Variants in PARP11 observed in about 807,000 individuals in gnomAD.
PARP11 encodes the protein protein mono-ADP-ribosyltransferase PARP11.
PARP11 carries 31 observed loss-of-function variants against 42.9 expected under a neutral mutation model. That is an observed-to-expected ratio of 0.72 (90% CI 0.54 to 0.98). The LOEUF is 0.98. PARP11 is among the 50% of genes least tolerant of loss of function. PARP11 has a pLI of 0.00. For synonymous variants in PARP11, 137 were observed against 127.3 expected (o/e 1.08, Z -0.51); for missense variants, 365 against 413.1 (o/e 0.88, Z 1.01).
At chr12:3,835,244 A>G (rs1293413937) in intron 1 of PARP11, among the ~76,000 whole-genome samples, 1 of 152,248 alleles carries the variant, frequency 6.6e-6, no homozygotes, top group Non-Finnish European at 1.5e-5. Flanking sequence ...TGACCAGTAC[A>G]TAGTCTATGC....
chr12:3,840,720 A>G lies in PARP11; in HGVS notation c.19-10702T>C, dbSNP rs991950128. 7.0e-6 allele frequency: 9 copies of G among 1,280,406 alleles called. No individual in the cohort carries two copies. Among genetic ancestry groups the G allele is most frequent in the African/African-American group, 1.5e-5 (1 of 68,410 alleles). 79.3% of individuals were successfully genotyped at this position (1,280,406 alleles called of 1,614,324 possible). On this transcript the variant is annotated intron_variant, in intron 1 of 7. Transcript: ENST00000228820. The surrounding 1 kb of genome is among the most constrained non-coding windows in gnomAD (Gnocchi z 4.4). ...ATGGATACAGAAGAACGAAAAGACA[A>G]AGACTCTATTCATGGACATAGTTGG... is the stretch of plus-strand genomic sequence containing the variant.
chr12:3,850,671 T>C (rs927970713), intron 1 of PARP11, among the ~76,000 whole-genome samples: 9 of 152,194 alleles, frequency 5.9e-5, no homozygotes. Context: ...TGCTCTGCAG[T>C]ATAAAGATAC....
chr12:3,851,864 C>T (rs185442711), intron 1 of PARP11, among the ~76,000 whole-genome samples: 5 of 152,292 alleles, frequency 3.3e-5, no homozygotes, highest in Admixed American at 1.3e-4. Flanking sequence ...CAGTAGGGGC[C>T]GACTGACACC....
chr12:3,857,422 T>C (rs561732471), intron 1 of PARP11, among the ~76,000 whole-genome samples: 69 of 152,308 alleles, frequency 4.5e-4, no homozygotes, highest in African/African-American at 1.1e-3. Flanking sequence ...AAGTCTATAA[T>C]GCCAATGAAA....
rs894732877 is a variant in PARP11, at chr12:3,820,206, C to T, written c.548+1667G>A. Among the ~76,000 whole-genome samples, 41 of 152,170 alleles carry T rather than the reference C, an allele frequency of 2.7e-4. 1 individual carries two copies. The highest frequency in any genetic ancestry group is 2.9e-5 in the Non-Finnish European group (2 of 68,032). Reference sequence around the variant, plus strand: ...GCTTGTCATAAAGTAGGTACTAAGACATTTTTGTTAGAAGAAGTGGGGAAA... The same window carrying T: ...GCTTGTCATAAAGTAGGTACTAAGATATTTTTGTTAGAAGAAGTGGGGAAA... On this transcript the variant is annotated intron_variant, in intron 6 of 7. Coordinates refer to ENST00000228820, the MANE Select transcript of PARP11 (RefSeq NM_020367.6).
chr12:3,870,829 G>A (rs1293567751), intron 1 of PARP11, among the ~76,000 whole-genome samples: 1 of 152,114 alleles, frequency 6.6e-6, no homozygotes, highest in African/African-American at 2.4e-5. Flanking sequence ...AACAAAAAGG[G>A]AATAATAGCT....
rs181034391 is a variant in PARP11, at chr12:3,853,369, T to C, written c.18+19843A>G. Among the ~76,000 whole-genome samples the C allele has an allele frequency of 1.7e-3, 265 of 152,264 alleles. 2 individuals are homozygous for C. Among genetic ancestry groups the C allele is most frequent in the Non-Finnish European group, 3.2e-3 (219 of 68,006 alleles). The stretch of plus-strand genomic sequence containing the variant: ...TGGATAAAGAGTCAAGACCCATCAG[T>C]GTGCTGCATTCAGGAGACCCATCTC... On this transcript the variant is annotated intron_variant, in intron 1 of 7. Transcript: ENST00000228820.
At chr12:3,855,167 G>A (rs545875085) in intron 1 of PARP11, among the ~76,000 whole-genome samples, 119 of 152,250 alleles carry the variant, frequency 7.8e-4, no homozygotes, top group African/African-American at 2.6e-3. Context: ...CAAACCCACA[G>A]CCAATATCAA....
intron 1 of PARP11, among the ~76,000 whole-genome samples, chr12:3,862,876 G>C (rs1219654914): frequency 6.6e-6 from 1 of 152,038 alleles, no homozygotes; most frequent in African/African-American, 2.4e-5. Flanking sequence ...CTCCAAACTT[G>C]TTCTTCTTTT....
chr12:3,826,913 T>C (rs1342752216), intron 3 of PARP11, among the ~76,000 whole-genome samples: 1 of 152,228 alleles, frequency 6.6e-6, no homozygotes, highest in East Asian at 1.9e-4. Flanking sequence ...TGATTCTTAA[T>C]GTAAGATTCT....
intron 6 of PARP11, among the ~76,000 whole-genome samples, chr12:3,817,655 C>T (rs1391971082): frequency 1.3e-5 from 2 of 152,204 alleles, no homozygotes; most frequent in Non-Finnish European, 2.9e-5. Context: ...AAAGTACTGT[C>T]GCACCCACTT....
intron 4 of PARP11, among the ~76,000 whole-genome samples, chr12:3,823,742 C>CTA (rs1947455338): frequency 6.6e-6 from 1 of 151,518 alleles, no homozygotes; most frequent in Non-Finnish European, 1.5e-5. Context: ...AGAGTGAAAC[C>CTA]CCATCTCTAC....
At chr12:3,828,378 C>T (rs1947570415) in intron 3 of PARP11, among the ~76,000 whole-genome samples, 2 of 151,794 alleles carry the variant, frequency 1.3e-5, no homozygotes, top group South Asian at 4.2e-4. Context: ...GAAACGCTGT[C>T]TCTACTAAAA....
At chr12:3,855,339 A>G (rs942179613) in intron 1 of PARP11, among the ~76,000 whole-genome samples, 12 of 152,354 alleles carry the variant, frequency 7.9e-5, no homozygotes, top group Non-Finnish European at 1.6e-4. Context: ...GAGGAAGTCA[A>G]ATTGTCCCTG....
chr12:3,811,356 T>C lies in PARP11; in HGVS notation c.*767A>G, dbSNP rs781161198. ...TTAAAGTTTCACTTTGAAGATGCAA[T>C]AAACACCTTGCACAGCAAGTCGTGG... is the stretch of plus-strand genomic sequence containing the variant. On this transcript the variant is annotated 3_prime_UTR_variant, in exon 8 of 8. Transcript: ENST00000228820. 6 of 152,208 alleles carry C rather than the reference T, an allele frequency of 3.9e-5. No individual in the cohort carries two copies. Among genetic ancestry groups the C allele is most frequent in the Non-Finnish European group, 8.8e-5 (6 of 68,028 alleles). 9.4% of individuals were successfully genotyped at this position (152,208 alleles called of 1,614,324 possible). A position where few individuals can be genotyped will look rare whatever the true frequency, so the allele number is the denominator to read the frequency against.
intron 1 of PARP11, among the ~76,000 whole-genome samples, chr12:3,832,982 G>A (rs1256905114): frequency 6.6e-6 from 1 of 152,118 alleles, no homozygotes; most frequent in African/African-American, 2.4e-5. Context: ...ACAGAGCCTG[G>A]GAACAGTCAG....
At chr12:3,856,070 G>A (rs963092819) in intron 1 of PARP11, among the ~76,000 whole-genome samples, 2 of 151,540 alleles carry the variant, frequency 1.3e-5, no homozygotes, top group African/African-American at 4.8e-5. Context: ...GGGAAAACTG[G>A]CTAGAAAGCT....
At chr12:3,821,675 T>C (rs1049915226) in intron 6 of PARP11, among the ~76,000 whole-genome samples, 198 bp downstream of exon 6, 1 of 152,198 alleles carries the variant, frequency 6.6e-6, no homozygotes, top group Admixed American at 6.5e-5. Flanking sequence ...GCTTCTCACA[T>C]TGCAATGCTA....
intron 1 of PARP11, among the ~76,000 whole-genome samples, chr12:3,855,843 A>C (rs1279260377): frequency 6.6e-6 from 1 of 152,216 alleles, no homozygotes; most frequent in Non-Finnish European, 1.5e-5. Flanking sequence ...AAAGGAACAA[A>C]GCTAGAGGCA....
Sources: gnomAD v4.1 joint callset for allele counts (sites outside exome capture counted in the v4.1 genomes callset) on GRCh38, gnomAD v4.1.1 for gene constraint, Gnocchi (gnomAD v3.1) non-coding constraint, MANE v1.5 for transcripts, NCBI Gene and HGNC (gene_info 2026-07-23, HGNC 2026-07-21) for gene names.